TRAF2: variants seen among roughly 807,000 people sequenced by gnomAD.
TRAF2 encodes the protein TNF receptor-associated factor 2.
A neutral mutation model predicts 55.6 loss-of-function variants in TRAF2; 6 were observed. The observed-to-expected ratio is 0.11, with a 90% CI of 0.06 to 0.21. TRAF2 has a LOEUF of 0.21. TRAF2 is among the 10% of genes least tolerant of loss of function. The pLI is 1.00. For synonymous variants in TRAF2, 329 were observed against 276.3 expected (o/e 1.19, Z -1.89); for missense variants, 561 against 684.5 (o/e 0.82, Z 2.01).
chr9:136,908,859 G>A (rs1357982035), intron 5 of TRAF2, among the ~76,000 whole-genome samples: 2 of 123,188 alleles, frequency 1.6e-5, no homozygotes, highest in Non-Finnish European at 3.2e-5. Context: ...GACAGAGCGA[G>A]ATTCCGTCTC....
chr9:136,908,444 C>T (rs571974984), intron 5 of TRAF2, among the ~76,000 whole-genome samples: 4 of 152,318 alleles, frequency 2.6e-5, no homozygotes, highest in East Asian at 1.9e-4. Flanking sequence ...TTTTGTAAGC[C>T]GGGCACGGCG....
chr9:136,900,969 T>A (rs546568144), intron 4 of TRAF2, among the ~76,000 whole-genome samples: 1 of 152,322 alleles, frequency 6.6e-6, no homozygotes, highest in South Asian at 2.1e-4. Flanking sequence ...TTGTGTCTCT[T>A]GTATCCACAA....
Position 136,925,720 on chromosome 9 carries a change from A to C in TRAF2, c.1325A>C (p.His442Pro). ...LMLLDQNNRE[H>P]VIDAFRPDVT... ...CTGCTCGACCAGAATAACCGGGAGCACGTGATTGACGCCTTCAGGCCCGAC... is the reference window on the plus strand; with the variant it reads ...CTGCTCGACCAGAATAACCGGGAGCCCGTGATTGACGCCTTCAGGCCCGAC... The change falls in exon 11 of 11, where the codon CAC becomes CCC. Residue 442 changes from histidine to proline, a missense_variant. Transcript: ENST00000247668. 6.2e-7 allele frequency: 1 copy of C among 1,614,190 alleles called. No individual in the cohort carries two copies. Among genetic ancestry groups the C allele is most frequent in the Non-Finnish European group, 8.5e-7 (1 of 1,180,046 alleles).
intron 4 of TRAF2, among the ~76,000 whole-genome samples, chr9:136,903,942 A>G (rs1281792207): frequency 1.3e-5 from 2 of 152,212 alleles, no homozygotes; most frequent in Admixed American, 6.5e-5. Context: ...TCGGCCTCCC[A>G]AAGTGCTGGG....
At chr9:136,915,076 G>C (rs1427600604) in intron 6 of TRAF2, among the ~76,000 whole-genome samples, 1 of 152,166 alleles carries the variant, frequency 6.6e-6, no homozygotes, top group Non-Finnish European at 1.5e-5. Flanking sequence ...CTACTCGGGA[G>C]GCTGAGGCAG....
chr9:136,891,564 G>C (rs748526880), intron 1 of TRAF2, among the ~76,000 whole-genome samples: 1 of 151,472 alleles, frequency 6.6e-6, no homozygotes, highest in Non-Finnish European at 1.5e-5. Flanking sequence ...GTTCTTTTAT[G>C]TCTGACAGGC....
In TRAF2 at chr9:136,886,525, C is replaced by T; in HGVS notation, c.-45C>T. ...AGCTGGGCGGGCCCTTAGTTCCGGG[C>T]GCGCTGCGACCGTTGGGTGAGGCGA... is the stretch of plus-strand genomic sequence containing the variant. On this transcript the variant is annotated 5_prime_UTR_variant, in exon 1 of 11. Coordinates refer to ENST00000247668, the MANE Select transcript of TRAF2 (RefSeq NM_021138.4). 1 of 988,360 alleles carries T rather than the reference C, an allele frequency of 1.0e-6. No homozygotes were observed. The highest frequency in any genetic ancestry group is 1.2e-6 in the Non-Finnish European group (1 of 832,088). The allele number at this position is 988,360 out of a possible 1,614,324, so 61.2% of individuals were successfully genotyped here. A position where few individuals can be genotyped will look rare whatever the true frequency, so the allele number is the denominator to read the frequency against.
chr9:136,920,564 G>GA (rs1238679394), intron 8 of TRAF2, 49 bp downstream of exon 8: 1 of 1,548,912 alleles, frequency 6.5e-7, no homozygotes, highest in South Asian at 1.2e-5. Flanking sequence ...TGTAAAGGGG[G>GA]ATAGTGTTCG....
intron 1 of TRAF2, among the ~76,000 whole-genome samples, chr9:136,896,472 C>T (rs369270223): frequency 2.6e-5 from 4 of 152,158 alleles, no homozygotes; most frequent in Admixed American, 1.3e-4. Context: ...GTTTGCTGTC[C>T]GGTTGTGTTT....
chr9:136,911,714 A>AT, intron 6 of TRAF2, among the ~76,000 whole-genome samples: 1 of 152,218 alleles, frequency 6.6e-6, no homozygotes, highest in Admixed American at 6.5e-5. Context: ...GCAGGCCGAC[A>AT]TATAGGGGCT....
intron 6 of TRAF2, among the ~76,000 whole-genome samples, chr9:136,912,439 C>T (rs564376137): frequency 6.6e-5 from 10 of 152,258 alleles, no homozygotes; most frequent in South Asian, 2.1e-4. Flanking sequence ...GGATTACAGG[C>T]GTGAGCCACT....
chr9:136,899,053 C>A (rs930156305), intron 2 of TRAF2, 125 bp downstream of exon 2: 31 of 927,102 alleles, frequency 3.3e-5, no homozygotes, highest in Non-Finnish European at 4.9e-5. Flanking sequence ...GTTATCGATA[C>A]TCCCTGGATT....
chr9:136,920,758 C>G (rs1850365893), intron 8 of TRAF2, among the ~76,000 whole-genome samples: 1 of 152,216 alleles, frequency 6.6e-6, no homozygotes, highest in Non-Finnish European at 1.5e-5. Context: ...GGAGCCTCTT[C>G]TCTCTGATGG....
At chr9:136,913,956 G>A (rs1850181861) in intron 6 of TRAF2, among the ~76,000 whole-genome samples, 1 of 152,222 alleles carries the variant, frequency 6.6e-6, no homozygotes. Flanking sequence ...TTTGGAGGCT[G>A]ACCTGTGGGG....
chr9:136,919,453 G>A (rs569667985), intron 7 of TRAF2, among the ~76,000 whole-genome samples: 1 of 151,794 alleles, frequency 6.6e-6, no homozygotes, highest in African/African-American at 2.4e-5. Flanking sequence ...GCACCACCAC[G>A]CCCTGCTAAT....
intron 1 of TRAF2, among the ~76,000 whole-genome samples, chr9:136,887,032 C>G (rs1159118728): frequency 6.6e-6 from 1 of 152,156 alleles, no homozygotes; most frequent in Non-Finnish European, 1.5e-5. Context: ...CAGCGCCCCC[C>G]AGCCAGGGGT....
intron 8 of TRAF2, 50 bp from the exon 9 acceptor site, chr9:136,920,988 C>T (rs766748998): frequency 1.2e-5 from 20 of 1,601,704 alleles, no homozygotes; most frequent in East Asian, 4.5e-5. Flanking sequence ...GGCAGGGGCT[C>T]GTGCCCGCAC....
In TRAF2 at chr9:136,902,644, G is replaced by A. The variant is rs17250253; in HGVS notation, c.366+2124G>A. On this transcript the variant is annotated intron_variant, in intron 4 of 10. Coordinates refer to ENST00000247668, the MANE Select transcript of TRAF2 (RefSeq NM_021138.4). ...CCGGGTTTGGTCATGTGGGAGGGGC[G>A]GGCACTGCTCTGGAATAACTTGGCT... 1.6e-3 allele frequency among the ~76,000 whole-genome samples: 239 copies of A among 152,302 alleles called. 1 individual carries two copies. Among genetic ancestry groups the A allele is most frequent in the African/African-American group, 5.4e-3 (225 of 41,562 alleles).
rs753331197 is a variant in TRAF2, at chr9:136,908,164, A to G, written c.461A>G (p.His154Arg). 6.2e-7 allele frequency: 1 copy of G among 1,603,026 alleles called. No individual in the cohort carries two copies. Among genetic ancestry groups the G allele is most frequent in the Non-Finnish European group, 8.5e-7 (1 of 1,179,834 alleles). The change falls in exon 5 of 11, where the codon CAC (histidine) becomes CGC (arginine). Residue 154 changes from histidine (H) to arginine (R), a missense_variant. By Grantham distance (29) the His-to-Arg change is conservative (BLOSUM62 0). This residue lies in a region of TRAF2 where 426 missense variants were observed against 476.8 expected (regional missense o/e 0.89). Transcript: ENST00000247668. Reference protein sequence around the residue: ...RLGEKERHLEHECPERSLSCR... With the variant: ...RLGEKERHLERECPERSLSCR... The stretch of plus-strand genomic sequence containing the variant: ...GGTGAAAAGGAGCGCCACCTGGAGC[A>G]CGAGTGCCCGGAGAGAAGCCTGAGC...
Sources: allele counts gnomAD v4.1 joint callset (sites outside exome capture counted in the v4.1 genomes callset), GRCh38; gene constraint gnomAD v4.1.1; regional missense constraint gnomAD v4.1.1; transcripts MANE v1.5; gene names NCBI Gene and HGNC (gene_info 2026-07-23, HGNC 2026-07-21).